The following DIPK1A variants were observed in gnomAD, a reference collection of about 807,000 sequenced individuals.
DIPK1A encodes the protein divergent protein kinase domain 1A.
Under a neutral mutation model 40.8 loss-of-function variants are expected in DIPK1A, and 27 were observed. The ratio of observed to expected loss-of-function variants is 0.66; its 90% CI spans 0.49 to 0.91. The LOEUF (loss-of-function observed/expected upper bound fraction) is 0.91, where lower values mean the gene tolerates loss of function less well. DIPK1A is among the 40% of genes least tolerant of loss of function. The pLI is 0.00. For synonymous variants in DIPK1A, 166 were observed against 171.3 expected, an observed-to-expected ratio of 0.97 and a Z score of 0.24; for missense variants, 412 against 505.7, an observed-to-expected ratio of 0.81 and a Z score of 1.78.
intron 1 of DIPK1A, among the ~76,000 whole-genome samples, chr1:92,956,312 G>T (rs1235162326): frequency 6.6e-6 from 1 of 152,150 alleles, no homozygotes; most frequent in Admixed American, 6.5e-5. Flanking sequence ...CCATTTCTTT[G>T]AGCTTCTAAC....
At chr1:92,867,873 G>C (rs113648920) in intron 2 of DIPK1A, among the ~76,000 whole-genome samples, 2 of 152,120 alleles carry the variant, frequency 1.3e-5, no homozygotes, top group Non-Finnish European at 2.9e-5. Context: ...TTTCAGCTTG[G>C]AGGCAATGCT....
intron 4 of DIPK1A, chr1:92,833,426 A>G: frequency 6.2e-7 from 1 of 1,614,028 alleles, no homozygotes; most frequent in Non-Finnish European, 8.5e-7. Flanking sequence ...GCCTACTTTA[A>G]GAGATACCAA....
chr1:92,844,031 TTCTTTA>T lies in DIPK1A; in HGVS notation c.633_638del (p.Asp211_Lys212del), dbSNP rs1687491972. The T allele has an allele frequency of 6.4e-7, 1 of 1,552,158 alleles. No individual in the cohort carries two copies. Among genetic ancestry groups the T allele is most frequent in the Non-Finnish European group, 8.7e-7 (1 of 1,147,078 alleles). On this transcript the variant is annotated inframe_deletion, in exon 5 of 5. Coordinates refer to ENST00000370310, the MANE Select transcript of DIPK1A (RefSeq NM_001006605.5). Reference sequence around the variant, plus strand: ...AGAATCCCATTAATTTGGGGGTATGTTCTTTATCTTGAAGTATCACCATGAGAAGAA... The same window carrying T: ...AGAATCCCATTAATTTGGGGGTATGTTCTTGAAGTATCACCATGAGAAGAA...
chr1:92,961,324 G>A, intron 1 of DIPK1A, 52 bp downstream of exon 1: 1 of 1,388,912 alleles, frequency 7.2e-7, no homozygotes, highest in South Asian at 1.3e-5. Flanking sequence ...GGCGCGGCAG[G>A]GCACACGGCC....
chr1:92,876,840 A>T (rs1165845556), intron 1 of DIPK1A: 1 of 299,884 alleles, frequency 3.3e-6, no homozygotes, highest in Admixed American at 6.4e-5. Flanking sequence ...ATCATGATAA[A>T]AATAATTTTG....
intron 4 of DIPK1A, among the ~76,000 whole-genome samples, chr1:92,846,827 A>ACACACACG (rs1193169146): frequency 1.6e-4 from 1 of 6,340 alleles, no homozygotes; most frequent in African/African-American, 1.3e-3. Context: ...ATATATATAT[A>ACACACACG]TATATATATA....
intron 4 of DIPK1A, chr1:92,833,333 C>T (rs752988812): frequency 6.2e-5 from 86 of 1,382,852 alleles, no homozygotes; most frequent in Non-Finnish European, 8.1e-5. Flanking sequence ...TAATTTATGT[C>T]AAAAGTATCA....
chr1:92,900,697 C>T (rs1198805355), intron 1 of DIPK1A, among the ~76,000 whole-genome samples: 1 of 152,082 alleles, frequency 6.6e-6, no homozygotes. Context: ...ACTCCTGAGG[C>T]CCAAATCTTC....
intron 2 of DIPK1A, among the ~76,000 whole-genome samples, chr1:92,871,000 G>T (rs1008179399): frequency 6.6e-6 from 1 of 152,252 alleles, no homozygotes; most frequent in East Asian, 1.9e-4. Flanking sequence ...CCCAAGAGCC[G>T]AATTTAATCA....
chr1:92,924,157 T>C (rs1377447939), intron 1 of DIPK1A, among the ~76,000 whole-genome samples: 1 of 152,236 alleles, frequency 6.6e-6, no homozygotes, highest in Non-Finnish European at 1.5e-5. Flanking sequence ...AAATCTTATT[T>C]AAGTAAAAAC....
chr1:92,893,082 G>C (rs995107131), intron 1 of DIPK1A, among the ~76,000 whole-genome samples: 1 of 152,036 alleles, frequency 6.6e-6, no homozygotes, highest in Non-Finnish European at 1.5e-5. Flanking sequence ...CACTCTGCAG[G>C]ATATTATCGA....
intron 2 of DIPK1A, among the ~76,000 whole-genome samples, chr1:92,865,250 C>T (rs150950733): frequency 8.0e-4 from 122 of 151,922 alleles, no homozygotes; most frequent in Non-Finnish European, 1.3e-3. Context: ...GTAGTCTCAG[C>T]TACTTGAGAG....
intron 2 of DIPK1A, among the ~76,000 whole-genome samples, chr1:92,859,152 C>A (rs578243716): frequency 6.6e-6 from 1 of 152,076 alleles, no homozygotes; most frequent in Non-Finnish European, 1.5e-5. Context: ...ATGTATACTA[C>A]CAGGTTTTAA....
At chr1:92,874,116 A>T (rs1472182024) in intron 2 of DIPK1A, among the ~76,000 whole-genome samples, 1 of 152,220 alleles carries the variant, frequency 6.6e-6, no homozygotes, top group Non-Finnish European at 1.5e-5. Context: ...TGATAAAATA[A>T]CCATTAAATT....
chr1:92,885,199 TGTGG>T (rs1648540856), intron 1 of DIPK1A, among the ~76,000 whole-genome samples: 1 of 152,200 alleles, frequency 6.6e-6, no homozygotes, highest in African/African-American at 2.4e-5. Context: ...CTGAAAGGAC[TGTGG>T]TTGCTCAGGG....
At chr1:92,943,665 G>A (rs1252745875) in intron 1 of DIPK1A, among the ~76,000 whole-genome samples, 4 of 152,194 alleles carry the variant, frequency 2.6e-5, no homozygotes, top group Non-Finnish European at 4.4e-5. Flanking sequence ...CCGCTGGCAC[G>A]AGGGACCCCA....
chr1:92,902,202 G>A (rs1392966327), intron 1 of DIPK1A, among the ~76,000 whole-genome samples: 1 of 152,192 alleles, frequency 6.6e-6, no homozygotes, highest in Non-Finnish European at 1.5e-5. Context: ...TAGGCACTGG[G>A]GAGGCCTGAG....
intron 1 of DIPK1A, among the ~76,000 whole-genome samples, chr1:92,895,789 A>C (rs1394626941): frequency 6.6e-6 from 1 of 152,144 alleles, no homozygotes; most frequent in African/African-American, 2.4e-5. Flanking sequence ...TTAAGCTGAT[A>C]AGCAACTTCA....
chr1:92,894,240 C>A (rs1430458315), intron 1 of DIPK1A, among the ~76,000 whole-genome samples: 3 of 152,066 alleles, frequency 2.0e-5, no homozygotes. Flanking sequence ...CAAAACTGAC[C>A]ACGTAGTTGG....
Sources: allele counts gnomAD v4.1 joint callset (sites outside exome capture counted in the v4.1 genomes callset), GRCh38; gene constraint gnomAD v4.1.1; transcripts MANE v1.5; gene names NCBI Gene and HGNC (gene_info 2026-07-23, HGNC 2026-07-21).